The following GRID2 variants were observed in gnomAD, a reference collection of about 807,000 sequenced individuals.
The protein encoded by GRID2 is glutamate receptor ionotropic, delta-2.
Under a neutral mutation model 114.8 loss-of-function variants are expected in GRID2, and 33 were observed. The ratio of observed to expected loss-of-function variants is 0.29; its 90% CI spans 0.22 to 0.38. The LOEUF is 0.38. GRID2 is among the 10% of genes least tolerant of loss of function. The probability of loss-of-function intolerance (pLI) is 1.00; values close to 1 mark genes in which losing one functional copy is unlikely to be tolerated. For missense variants in GRID2, 1,184 were observed against 1,257.7 expected (o/e 0.94, Z 0.89); for synonymous variants, 505 against 449.9 (o/e 1.12, Z -1.55).
At chr4:93,530,431 C>A (rs1192749973) in intron 13 of GRID2, among the ~76,000 whole-genome samples, 1 of 152,120 alleles carries the variant, frequency 6.6e-6, no homozygotes, top group Non-Finnish European at 1.5e-5. Flanking sequence ...TACTATCAAA[C>A]CAAGTTGCTG....
At chr4:92,700,455 A>G (rs1394883307) in intron 2 of GRID2, among the ~76,000 whole-genome samples, 1 of 152,158 alleles carries the variant, frequency 6.6e-6, no homozygotes, top group Non-Finnish European at 1.5e-5. Context: ...ATTTGTCTTG[A>G]GAAGATTGCC....
chr4:92,919,642 T>C (rs1749135105), intron 2 of GRID2, among the ~76,000 whole-genome samples: 2 of 152,178 alleles, frequency 1.3e-5, no homozygotes, highest in South Asian at 2.1e-4. Flanking sequence ...GTTGTTCAAT[T>C]TCCATGTAGT....
intron 8 of GRID2, among the ~76,000 whole-genome samples, chr4:93,259,359 T>A (rs1343056621): frequency 1.3e-5 from 2 of 151,804 alleles, no homozygotes; most frequent in Admixed American, 1.3e-4. Context: ...GAGTATCCAG[T>A]CTTTGAATAG....
chr4:93,407,732 C>CCTCCTCCTCCTCCTCCTCCTCCTCGTA (rs1766620015), intron 9 of GRID2, among the ~76,000 whole-genome samples: 1 of 103,528 alleles, frequency 9.7e-6, no homozygotes, highest in Admixed American at 9.1e-5. Context: ...TTCTCCTCCT[C>CCTCCTCCTCCTCCTCCTCCTCCTCGTA]CTCCTCCTCC....
chr4:93,646,664 T>C (rs572645133), intron 14 of GRID2, among the ~76,000 whole-genome samples: 1 of 152,152 alleles, frequency 6.6e-6, no homozygotes, highest in Admixed American at 6.5e-5. Flanking sequence ...AGAGTGAATG[T>C]AGTAAGAGAA....
At chr4:93,599,073 A>G (rs755586693) in intron 13 of GRID2, among the ~76,000 whole-genome samples, 9 of 152,122 alleles carry the variant, frequency 5.9e-5, no homozygotes, top group Non-Finnish European at 1.3e-4. Context: ...TTTACTTCCA[A>G]CTCGATTCTA....
intron 4 of GRID2, among the ~76,000 whole-genome samples, chr4:93,138,448 A>G (rs1343333510): frequency 6.6e-6 from 1 of 152,052 alleles, no homozygotes; most frequent in Non-Finnish European, 1.5e-5. Context: ...AAATCTCTGT[A>G]TTGCCCCATT....
At chr4:92,560,805 C>A (rs1046823347) in intron 1 of GRID2, among the ~76,000 whole-genome samples, 1 of 152,054 alleles carries the variant, frequency 6.6e-6, no homozygotes, top group Non-Finnish European at 1.5e-5. Flanking sequence ...CTCCCGGGTA[C>A]AAGTGATTCT....
chr4:92,650,273 T>G lies in GRID2; in HGVS notation c.244+59987T>G, dbSNP rs548167383. Among the ~76,000 whole-genome samples, 245 of 151,926 alleles carry G rather than the reference T, an allele frequency of 1.6e-3. 2 individuals carry two copies. The highest frequency in any genetic ancestry group is 5.8e-3 in the African/African-American group (241 of 41,344). On this transcript the variant is annotated intron_variant, in intron 2 of 15. Coordinates refer to ENST00000282020, the MANE Select transcript of GRID2 (RefSeq NM_001510.4). Reference sequence around the variant, plus strand: ...TATAACGACCTTCTTCTACTACCCATTTCATATTCCCTTTGCCTTCAACAA... The same window carrying G: ...TATAACGACCTTCTTCTACTACCCAGTTCATATTCCCTTTGCCTTCAACAA...
chr4:93,488,176 A>C (rs1228159278), intron 11 of GRID2, among the ~76,000 whole-genome samples: 1 of 151,892 alleles, frequency 6.6e-6, no homozygotes, highest in African/African-American at 2.4e-5. Context: ...CATCTTGTTC[A>C]CATTTTATTA....
intron 13 of GRID2, among the ~76,000 whole-genome samples, chr4:93,623,153 C>A (rs1742366443): frequency 1.3e-5 from 2 of 151,658 alleles, no homozygotes; most frequent in South Asian, 2.1e-4. Context: ...GCAGATGATT[C>A]TTTTTTTTAT....
intron 1 of GRID2, among the ~76,000 whole-genome samples, chr4:92,499,451 C>T (rs1013569312): frequency 2.6e-5 from 4 of 152,114 alleles, no homozygotes; most frequent in African/African-American, 9.7e-5. Flanking sequence ...CAATTTAATA[C>T]TTTCCTTCAA....
At chr4:92,926,324 A>G (rs1252919338) in intron 2 of GRID2, among the ~76,000 whole-genome samples, 2 of 151,990 alleles carry the variant, frequency 1.3e-5, no homozygotes, top group Non-Finnish European at 2.9e-5. Flanking sequence ...ATGTTAAGTC[A>G]CATGTTTTAT....
chr4:92,735,300 T>TATG (rs1736538189), intron 2 of GRID2, among the ~76,000 whole-genome samples: 1 of 152,122 alleles, frequency 6.6e-6, no homozygotes, highest in Non-Finnish European at 1.5e-5. Context: ...TATATTTTTC[T>TATG]TATACATAGA....
chr4:92,442,762 T>A (rs943211886), intron 1 of GRID2, among the ~76,000 whole-genome samples: 6 of 152,136 alleles, frequency 3.9e-5, no homozygotes, highest in South Asian at 2.1e-4. Flanking sequence ...CTGGGCTGGA[T>A]TTTTATATTT....
rs559566638 is a variant in GRID2 at position 93,208,888 on chromosome 4, C to T, written c.789+1431C>T. On this transcript the variant is annotated intron_variant, in intron 5 of 15. Coordinates refer to ENST00000282020, the MANE Select transcript of GRID2 (RefSeq NM_001510.4). Reference sequence around the variant, plus strand: ...ATGTCTTAATTTTCATGTGGAATAACTAAACGTTGGGATAGAGGGAAAGAC... The same window carrying T: ...ATGTCTTAATTTTCATGTGGAATAATTAAACGTTGGGATAGAGGGAAAGAC... Among the ~76,000 whole-genome samples, 5 of 151,938 alleles carry T rather than the reference C, an allele frequency of 3.3e-5. No individual in the cohort carries two copies. In the South Asian group the frequency reaches 1.0e-3, roughly 32 times the overall value.
chr4:93,587,207 T>C (rs1013374573), intron 13 of GRID2, among the ~76,000 whole-genome samples: 1 of 152,096 alleles, frequency 6.6e-6, no homozygotes, highest in African/African-American at 2.4e-5. Flanking sequence ...TATAACTATA[T>C]TTAAAATTGT....
intron 4 of GRID2, among the ~76,000 whole-genome samples, chr4:93,169,014 A>G (rs1738533308): frequency 6.6e-6 from 1 of 152,076 alleles, no homozygotes; most frequent in Non-Finnish European, 1.5e-5. Context: ...ATTCCCTCAG[A>G]TGACTAGGGG....
At chr4:92,384,650 A>ATATATTATATATAATG in intron 1 of GRID2, among the ~76,000 whole-genome samples, 1 of 107,494 alleles carries the variant, frequency 9.3e-6, no homozygotes, top group South Asian at 2.4e-4. Flanking sequence ...TATATATAAT[A>ATATATTATATATAATG]TATAGACATA....
Sources: gnomAD v4.1 joint callset for allele counts (sites outside exome capture counted in the v4.1 genomes callset) on GRCh38, gnomAD v4.1.1 for gene constraint, MANE v1.5 for transcripts, NCBI Gene and HGNC (gene_info 2026-07-23, HGNC 2026-07-21) for gene names.